Variants in SGCD observed in about 807,000 individuals in gnomAD.
SGCD encodes delta-sarcoglycan.
SGCD carries 18 observed loss-of-function variants against 36.6 expected under a neutral mutation model. The observed-to-expected ratio is 0.49, with a 90% CI of 0.34 to 0.73. The LOEUF is 0.73. Among genes scored for constraint, SGCD ranks in the 30% least tolerant of loss-of-function variants. The probability of loss-of-function intolerance (pLI) is 0.01; values close to 1 mark genes in which losing one functional copy is unlikely to be tolerated. For synonymous variants in SGCD, 133 were observed against 130.6 expected (o/e 1.02, Z -0.12); for missense variants, 387 against 346.7 (o/e 1.12, Z -0.92).
At chr5:155,988,343 C>A (rs537463750) in intron 1 of SGCD, among the ~76,000 whole-genome samples, 17 of 151,910 alleles carry the variant, frequency 1.1e-4, no homozygotes, top group African/African-American at 3.9e-4. Flanking sequence ...TTCCAAGACT[C>A]CCCCCCGACC....
At chr5:156,103,292 C>A (rs1761565343) in intron 1 of SGCD, among the ~76,000 whole-genome samples, 1 of 152,090 alleles carries the variant, frequency 6.6e-6, no homozygotes, top group Admixed American at 6.6e-5. Context: ...GTGCCATGCC[C>A]AGTCCTGATG....
In SGCD at chr5:156,176,530, CT is replaced by C. The variant is rs1561551163; in HGVS notation, c.-44+52513del. On this transcript the variant is annotated intron_variant, in intron 3 of 9. Coordinates refer to the SGCD transcript ENST00000517913. ...CCTAATTTCTATCTAGTTTCAGTATCTTAGGTGTTTGTGATTTTTTTTTAAA... is the reference window on the plus strand; with the variant it reads ...CCTAATTTCTATCTAGTTTCAGTATCTAGGTGTTTGTGATTTTTTTTTAAA... Among the ~76,000 whole-genome samples, 12 of 152,032 alleles carry C rather than the reference CT, an allele frequency of 7.9e-5. No individual in the cohort carries two copies. The South Asian group carries it at 2.3e-3, about 29-fold the overall frequency.
chr5:156,356,258 G>A (rs1769486021), intron 3 of SGCD, among the ~76,000 whole-genome samples: 1 of 152,106 alleles, frequency 6.6e-6, no homozygotes, highest in African/African-American at 2.4e-5. Context: ...CTGATGTCTA[G>A]CACCTTAGCT....
At chr5:156,034,520 T>A (rs1377459010) in intron 1 of SGCD, among the ~76,000 whole-genome samples, 1 of 152,190 alleles carries the variant, frequency 6.6e-6, no homozygotes. Context: ...GGGCTAACCA[T>A]CCGTAGTTCA....
intron 1 of SGCD, among the ~76,000 whole-genome samples, chr5:155,891,533 C>T (rs973619864): frequency 3.9e-5 from 5 of 129,258 alleles, no homozygotes; most frequent in African/African-American, 1.5e-4. Context: ...AACAAATTGC[C>T]AAATTCCAGA....
chr5:155,767,311 C>T, the SGCD span, among the ~76,000 whole-genome samples: 1 of 152,188 alleles, frequency 6.6e-6, no homozygotes, highest in East Asian at 1.9e-4. Flanking sequence ...CTGAACTTCC[C>T]CTTGGGGATC....
At chr5:156,026,858 TA>T (rs1390283208) in intron 1 of SGCD, among the ~76,000 whole-genome samples, 1 of 152,126 alleles carries the variant, frequency 6.6e-6, no homozygotes, top group Non-Finnish European at 1.5e-5. Context: ...AGTAAATATC[TA>T]TTAGACATTG....
At chr5:156,498,262 C>CAAA (rs34586524) in intron 3 of SGCD, among the ~76,000 whole-genome samples, 29,898 of 102,452 alleles carry the variant, frequency 0.29, 3,871 homozygotes, top group Non-Finnish European at 0.39. Context: ...ATTTCTCTTA[C>CAAA]AAAAAAAAAA....
chr5:156,521,400 C>T (rs1757398118), intron 4 of SGCD, among the ~76,000 whole-genome samples: 1 of 152,072 alleles, frequency 6.6e-6, no homozygotes, highest in South Asian at 2.1e-4. Flanking sequence ...AAGAAACTAT[C>T]ATCAGAGCAA....
intron 3 of SGCD, among the ~76,000 whole-genome samples, chr5:156,345,060 G>C (rs1561634276): frequency 1.3e-5 from 2 of 152,162 alleles, no homozygotes; most frequent in African/African-American, 4.8e-5. Flanking sequence ...TTTTGAAGTA[G>C]AGAGTTGAAA....
intron 1 of SGCD, among the ~76,000 whole-genome samples, chr5:155,920,328 T>G (rs1756848618): frequency 6.6e-6 from 1 of 152,192 alleles, no homozygotes; most frequent in South Asian, 2.1e-4. Context: ...CCCAGATATC[T>G]GACTTGAGCA....
chr5:155,888,242 CAA>C (rs1044699250), intron 1 of SGCD, among the ~76,000 whole-genome samples: 1 of 152,190 alleles, frequency 6.6e-6, no homozygotes, highest in African/African-American at 2.4e-5. Flanking sequence ...AATCCCTTCT[CAA>C]AGTTATTTCT....
At chr5:155,782,079 C>T in the SGCD span, among the ~76,000 whole-genome samples, 35 of 148,244 alleles carry the variant, frequency 2.4e-4, no homozygotes, top group African/African-American at 8.7e-4. Flanking sequence ...AGGCGGAGTG[C>T]AGCAGCACGA....
At chr5:155,919,944 C>A (rs761249580) in intron 1 of SGCD, among the ~76,000 whole-genome samples, 16 of 152,098 alleles carry the variant, frequency 1.1e-4, no homozygotes, top group Non-Finnish European at 2.1e-4. Context: ...CCAATTAGGA[C>A]CCTGTGGCAT....
At chr5:155,873,419 G>A (rs1755701716) in intron 1 of SGCD, among the ~76,000 whole-genome samples, 1 of 152,134 alleles carries the variant, frequency 6.6e-6, no homozygotes, top group South Asian at 2.1e-4. Flanking sequence ...AAGTAACTCA[G>A]AAACAGAAAG....
In SGCD at chr5:156,580,032, G is replaced by T. The variant is rs1189782532; in HGVS notation, c.295-9199G>T. On this transcript the variant is annotated intron_variant, in intron 4 of 8. Transcript: ENST00000337851. The stretch of plus-strand genomic sequence containing the variant: ...ATTGATGGTCTTTACAATTTGGCAT[G>T]TTTTTGCAGTGGCTGGTACAGGTTG... Among the ~76,000 whole-genome samples, 5 of 152,306 alleles carry T rather than the reference G, an allele frequency of 3.3e-5. No homozygotes were observed. In the South Asian group the frequency reaches 6.2e-4, roughly 19 times the overall value.
At chr5:156,258,184 A>G (rs1019730035) in intron 3 of SGCD, among the ~76,000 whole-genome samples, 1 of 152,186 alleles carries the variant, frequency 6.6e-6, no homozygotes, top group Admixed American at 6.5e-5. Flanking sequence ...ATTTTAAGCC[A>G]TATGTATTGG....
At chr5:155,974,516 G>A (rs1758070627) in intron 1 of SGCD, among the ~76,000 whole-genome samples, 1 of 150,762 alleles carries the variant, frequency 6.6e-6, no homozygotes, top group Admixed American at 6.6e-5. Flanking sequence ...ATGATGTCTG[G>A]GGCACAGATA....
At chr5:156,243,204 C>T (rs62382677) in intron 3 of SGCD, among the ~76,000 whole-genome samples, 33,756 of 152,190 alleles carry the variant, frequency 0.22, 4,363 homozygotes, top group East Asian at 0.62. Flanking sequence ...GGTCTATGCT[C>T]AGGGCATTAG....
Sources: gnomAD v4.1 joint callset for allele counts (sites outside exome capture counted in the v4.1 genomes callset) on GRCh38, gnomAD v4.1.1 for gene constraint, MANE v1.5 for transcripts, NCBI Gene and HGNC (gene_info 2026-07-23, HGNC 2026-07-21) for gene names.